The following SELENOO variants were observed in gnomAD, a reference collection of about 807,000 sequenced individuals.
SELENOO encodes the protein selenoprotein O.
Under a neutral mutation model 58.7 loss-of-function variants are expected in SELENOO, and 74 were observed. The ratio of observed to expected loss-of-function variants is 1.26; its 90% CI spans 1.04 to 1.53. SELENOO has a LOEUF of 1.53. SELENOO is among the 40% of genes most tolerant of loss of function. SELENOO has a pLI of 0.00. For synonymous variants in SELENOO, 543 were observed against 453.2 expected (o/e 1.20, Z -2.52); for missense variants, 1,149 against 970.0 (o/e 1.18, Z -2.45).
intron 1 of SELENOO, among the ~76,000 whole-genome samples, chr22:50,203,996 G>C (rs76843046): frequency 1.3e-5 from 2 of 151,804 alleles, no homozygotes; most frequent in African/African-American, 4.8e-5. Flanking sequence ...CTCAGCAACA[G>C]GAAAAAAAAA....
Position 50,201,591 on chromosome 22 carries a change from G to A in SELENOO, c.554+1G>A. The A allele has an allele frequency of 7.8e-7, 1 of 1,287,954 alleles. No individual in the cohort carries two copies. Among genetic ancestry groups the A allele is most frequent in the Non-Finnish European group, 9.9e-7 (1 of 1,015,088 alleles). 79.8% of individuals were successfully genotyped at this position (1,287,954 alleles called of 1,614,324 possible). A position where few individuals can be genotyped will look rare whatever the true frequency, so the allele number is the denominator to read the frequency against. On this transcript the variant is annotated splice_donor_variant, in intron 1 of 8. Transcript: ENST00000380903. LOFTEE classifies it high-confidence loss of function. ...GCGCCGGGCCCACGCCCTTCTCCAGGTGGGCCGGGGCGGGCGAGGGGCGCG... is the reference window on the plus strand; with the variant it reads ...GCGCCGGGCCCACGCCCTTCTCCAGATGGGCCGGGGCGGGCGAGGGGCGCG...
Position 50,210,867 on chromosome 22 carries a change from ACGGGG to A in SELENOO, c.1310_1314del (p.Gly437AlafsTer119), listed in dbSNP as rs774971682. The A allele has an allele frequency of 6.2e-7, 1 of 1,614,120 alleles. No homozygotes were observed. The highest frequency in any genetic ancestry group is 8.5e-7 in the Non-Finnish European group (1 of 1,180,028). ...CTCGTGCAGGTGGAGCTGGAGGAAGACGGGGCGCTGGTGTCCAAGCTCCTGGAGAC... is the reference window on the plus strand; with the variant it reads ...CTCGTGCAGGTGGAGCTGGAGGAAGACGCTGGTGTCCAAGCTCCTGGAGAC... On this transcript the variant is annotated frameshift_variant, in exon 5 of 9. Coordinates refer to ENST00000380903, the MANE Select transcript of SELENOO (RefSeq NM_031454.2). LOFTEE classifies it high-confidence loss of function.
rs563028784 is a variant in SELENOO at position 50,214,301 on chromosome 22, C to T, written c.1352-1416C>T. ...GGATTACAGGGGTGAGCACCTTTCC[C>T]GGCCCTTCTGACAATTTTTTATTTA... On this transcript the variant is annotated intron_variant, in intron 5 of 8. Transcript: ENST00000380903. Among the ~76,000 whole-genome samples, 40 of 152,298 alleles carry T rather than the reference C, an allele frequency of 2.6e-4. No homozygotes were observed. In the East Asian group the frequency reaches 7.0e-3, roughly 27 times the overall value.
rs899741231 is a variant in SELENOO, at chr22:50,215,646, G to A, written c.1352-71G>A. On this transcript the variant is annotated intron_variant, in intron 5 of 8. Transcript: ENST00000380903. ...CTGTGCCAGGGGGGTGGGGGGGGGG[G>A]GGTCTGTGTGGCACCAGGACAGGGA... 2.3e-5 allele frequency: 29 copies of A among 1,269,884 alleles called. No individual in the cohort carries two copies. The African/African-American group carries it at 4.3e-4, about 19-fold the overall frequency. The allele number at this position is 1,269,884 out of a possible 1,614,324, so 78.7% of individuals were successfully genotyped here. A position where few individuals can be genotyped will look rare whatever the true frequency, so the allele number is the denominator to read the frequency against.
At chr22:50,208,778 A>G in intron 3 of SELENOO, 62 bp downstream of exon 3, 1 of 1,495,356 alleles carries the variant, frequency 6.7e-7, no homozygotes, top group South Asian at 1.2e-5. Context: ...ACCTGTGTTG[A>G]AGACACCCTC....
intron 6 of SELENOO, among the ~76,000 whole-genome samples, chr22:50,216,365 T>C (rs2064411129): frequency 6.6e-6 from 1 of 152,204 alleles, no homozygotes; most frequent in Non-Finnish European, 1.5e-5. Context: ...ACCTGGACCC[T>C]TCTGGAAATG....
Position 50,217,268 on chromosome 22 carries a change from G to C in SELENOO, c.1909G>C (p.Ala637Pro), listed in dbSNP as rs763080589. The change falls in exon 9 of 9, where the codon GCC (alanine) becomes CCC (proline). Residue 637 changes from alanine to proline, a missense_variant. By Grantham distance (27) the Ala-to-Pro change is conservative. Coordinates refer to ENST00000380903, the MANE Select transcript of SELENOO (RefSeq NM_031454.2). ...YHCEAGAATD[A>P]EATEADGADG... ...CTGCGAGGCGGGGGCCGCCACAGACGCCGAGGCCACGGAAGCCGACGGGGC... is the reference window on the plus strand; with the variant it reads ...CTGCGAGGCGGGGGCCGCCACAGACCCCGAGGCCACGGAAGCCGACGGGGC... 19 of 1,612,094 alleles carry C rather than the reference G, an allele frequency of 1.2e-5. No homozygotes were observed. The highest frequency in any genetic ancestry group is 1.6e-5 in the Non-Finnish European group (19 of 1,179,614).
intron 4 of SELENOO, 139 bp downstream of exon 4, chr22:50,210,450 A>C: frequency 7.4e-7 from 1 of 1,355,306 alleles, no homozygotes; most frequent in Non-Finnish European, 1.0e-6. Flanking sequence ...TAGGAAGTAG[A>C]GAGTCCAGGG....
Position 50,217,460 on chromosome 22 carries a change from G to A in SELENOO, c.*91G>A. On this transcript the variant is annotated 3_prime_UTR_variant, in exon 9 of 9. Coordinates refer to ENST00000380903, the MANE Select transcript of SELENOO (RefSeq NM_031454.2). ...ATGATGCCAGGCTGCCCTATACACT[G>A]GGGGATTCTGCCCTGGCCCATGCAC... 2 of 1,458,188 alleles carry A rather than the reference G, an allele frequency of 1.4e-6. No homozygotes were observed. The highest frequency in any genetic ancestry group is 1.9e-6 in the Non-Finnish European group (2 of 1,074,146). 90.3% of individuals were successfully genotyped at this position (1,458,188 alleles called of 1,614,324 possible). A position where few individuals can be genotyped will look rare whatever the true frequency, so the allele number is the denominator to read the frequency against.
chr22:50,214,713 C>T (rs752262840), intron 5 of SELENOO, among the ~76,000 whole-genome samples: 7 of 151,798 alleles, frequency 4.6e-5, no homozygotes, highest in Admixed American at 2.6e-4. Flanking sequence ...TGCAGTGAGC[C>T]GAGATTGCGC....
At chr22:50,208,758 G>A in intron 3 of SELENOO, 42 bp downstream of exon 3, 2 of 1,579,156 alleles carry the variant, frequency 1.3e-6, no homozygotes, top group Non-Finnish European at 1.7e-6. Flanking sequence ...GGTGGATGCT[G>A]GGTGTCCCCA....
At chr22:50,202,163 C>T (rs1262405281) in intron 1 of SELENOO, among the ~76,000 whole-genome samples, 1 of 152,218 alleles carries the variant, frequency 6.6e-6, no homozygotes, top group African/African-American at 2.4e-5. Flanking sequence ...CTGCTCTTTT[C>T]TACTAAACAA....
At chr22:50,207,808 CA>C (rs2064342318) in intron 2 of SELENOO, among the ~76,000 whole-genome samples, 2 of 124,926 alleles carry the variant, frequency 1.6e-5, no homozygotes, top group Non-Finnish European at 3.4e-5. Context: ...GGTGAGCGCT[CA>C]CAGATGTGTG....
intron 5 of SELENOO, 66 bp from the exon 6 acceptor site, chr22:50,215,651 T>A: frequency 9.3e-7 from 1 of 1,073,112 alleles, no homozygotes; most frequent in Non-Finnish European, 1.3e-6. Flanking sequence ...GGGGGGGGTC[T>A]GTGTGGCACC....
intron 1 of SELENOO, 109 bp downstream of exon 1, chr22:50,201,699 C>T (rs1364604868): frequency 3.8e-6 from 3 of 787,762 alleles, no homozygotes; most frequent in East Asian, 7.4e-5. Context: ...CAAGTGGGGC[C>T]TCCCCTGCAC....
chr22:50,212,074 A>C (rs958159801), intron 5 of SELENOO, among the ~76,000 whole-genome samples: 4 of 152,204 alleles, frequency 2.6e-5, no homozygotes, highest in Admixed American at 1.3e-4. Context: ...TGTATGCGTA[A>C]GGGATACTAG....
chr22:50,210,262 A>G lies in SELENOO; in HGVS notation c.1021A>G (p.Ser341Gly), dbSNP rs1293252421. The G allele has an allele frequency of 5.0e-6, 8 of 1,613,230 alleles. No individual in the cohort carries two copies. The highest frequency in any genetic ancestry group is 5.9e-6 in the Non-Finnish European group (7 of 1,179,936). ...CGGCGTGCTCAACACCGACAACATG[A>G]GCATCCTGGGGCTCACCATCGACTA... is the stretch of plus-strand genomic sequence containing the variant. ...CHGVLNTDNMSILGLTIDYGP... is the reference protein window; with the variant it reads ...CHGVLNTDNMGILGLTIDYGP... Residue 341 changes from serine (S) to glycine (G), a missense_variant, in exon 4 of 9, where the codon AGC becomes GGC. Ser to Gly is a moderately conservative substitution (Grantham distance 56). Transcript: ENST00000380903.
At position 50,201,308 on chromosome 22, in the gene SELENOO, G is replaced by T. The variant is rs1305941046; in HGVS notation, c.272G>T (p.Arg91Leu). 1 of 1,116,302 alleles carries T rather than the reference G, an allele frequency of 9.0e-7. No homozygotes were observed. The highest frequency in any genetic ancestry group is 1.1e-6 in the Non-Finnish European group (1 of 916,466). 69.1% of individuals were successfully genotyped at this position (1,116,302 alleles called of 1,614,324 possible). A position where few individuals can be genotyped will look rare whatever the true frequency, so the allele number is the denominator to read the frequency against. ...CFTRVQPTPLRQPRLVALSEP... is the reference protein window; with the variant it reads ...CFTRVQPTPLLQPRLVALSEP... The stretch of plus-strand genomic sequence containing the variant: ...ACCCGCGTGCAGCCCACCCCGCTGC[G>T]GCAGCCGCGCCTCGTGGCGCTGTCA... Residue 91 changes from arginine to leucine, a missense_variant, in exon 1 of 9, where the codon CGG (arginine) becomes CTG (leucine). Physicochemically the swap from Arg to Leu is moderately radical, Grantham distance 102. Coordinates refer to ENST00000380903, the MANE Select transcript of SELENOO (RefSeq NM_031454.2).
intron 1 of SELENOO, among the ~76,000 whole-genome samples, chr22:50,204,651 T>A (rs567360166): frequency 2.1e-4 from 32 of 151,152 alleles, no homozygotes; most frequent in African/African-American, 7.3e-4. Flanking sequence ...AGTTAAAAAG[T>A]GTTGCGGCTG....
Sources: gnomAD v4.1 joint callset for allele counts (sites outside exome capture counted in the v4.1 genomes callset) on GRCh38, gnomAD v4.1.1 for gene constraint, MANE v1.5 for transcripts, NCBI Gene and HGNC (gene_info 2026-07-23, HGNC 2026-07-21) for gene names.